PBX1: variants seen among roughly 807,000 people sequenced by gnomAD.
PBX1 encodes PBX homeobox 1, also known as pre-B-cell leukemia transcription factor 1.
Under a neutral mutation model 53.4 loss-of-function variants are expected in PBX1, and 6 were observed. That is an observed-to-expected ratio of 0.11 (90% CI 0.06 to 0.22). PBX1 has a LOEUF of 0.22. Ranked by LOEUF, PBX1 falls within the 10% of genes least tolerant of loss-of-function variation. PBX1 has a pLI of 1.00. For synonymous variants in PBX1, 204 were observed against 212.3 expected, an observed-to-expected ratio of 0.96 and a Z score of 0.34; for missense variants, 251 against 551.4, an observed-to-expected ratio of 0.46 and a Z score of 5.46.
At chr1:164,834,309 G>A (rs1394395679) in intron 8 of PBX1, among the ~76,000 whole-genome samples, 2 of 148,578 alleles carry the variant, frequency 1.3e-5, no homozygotes, top group Non-Finnish European at 3.0e-5. Context: ...TCTTGATCTT[G>A]TTGTTTAGCC....
chr1:164,664,782 AAAAG>A (rs1251668730), intron 2 of PBX1, among the ~76,000 whole-genome samples: 2 of 152,178 alleles, frequency 1.3e-5, no homozygotes, highest in African/African-American at 4.8e-5. Context: ...AGCAGGCAAA[AAAAG>A]AGATTGGGCA....
At chr1:164,651,463 G>GC (rs1005955906) in intron 2 of PBX1, among the ~76,000 whole-genome samples, 7 of 152,084 alleles carry the variant, frequency 4.6e-5, no homozygotes, top group Admixed American at 1.3e-4. Context: ...CAGAGAGCGG[G>GC]CCCTGCAGTG....
intron 2 of PBX1, among the ~76,000 whole-genome samples, chr1:164,704,534 A>G (rs750229243): frequency 3.0e-4 from 45 of 152,220 alleles, no homozygotes; most frequent in Non-Finnish European, 6.3e-4. Context: ...AAGACTTATT[A>G]ATATTAAAGA....
At chr1:164,870,295 T>TTCTTTCTTTCTTTCTTTCTTTCTC (rs1672338472) in intron 2 of PBX1, among the ~76,000 whole-genome samples, 9 of 47,298 alleles carry the variant, frequency 1.9e-4, no homozygotes, top group Admixed American at 4.4e-4. Flanking sequence ...CTTTCTTTCT[T>TTCTTTCTTTCTTTCTTTCTTTCTC]TCTTTCTTTC....
rs59042806 is a variant in PBX1 at position 164,724,670 on chromosome 1, ATTTTTTTTTTTTTTTTTTTTTTTTTTT to A, written c.266-67811_266-67785del. ...CAGATGCCCATTGCAATAGCTGCAG[ATTTTTTTTTTTTTTTTTTTTTTTTTTT>A]TTTTTTTTTTTTAGTGCCCATTCTA... On this transcript the variant is annotated intron_variant, in intron 2 of 8. Coordinates refer to ENST00000420696, the MANE Select transcript of PBX1 (RefSeq NM_002585.4). Among the ~76,000 whole-genome samples, 13 of 48,238 alleles carry A rather than the reference ATTTTTTTTTTTTTTTTTTTTTTTTTTT, an allele frequency of 2.7e-4. No homozygotes were observed. The South Asian group carries it at 7.6e-3, about 28-fold the overall frequency. The allele number at this position is 48,238 out of a possible 152,430, so 31.6% of individuals were successfully genotyped here.
intron 2 of PBX1, chr1:164,684,303 T>G (rs1182878497): frequency 6.6e-6 from 1 of 152,212 alleles, no homozygotes; most frequent in Non-Finnish European, 1.5e-5. Context: ...CATCATGTTT[T>G]CCCTGTTTCT....
At chr1:164,684,411 C>A (rs1661975601) in intron 2 of PBX1, 1 of 152,110 alleles carries the variant, frequency 6.6e-6, no homozygotes, top group African/African-American at 2.4e-5. Context: ...AGATAAAAGG[C>A]AATCTATGCT....
intron 2 of PBX1, among the ~76,000 whole-genome samples, chr1:164,637,517 G>A (rs1382968527): frequency 1.3e-5 from 2 of 152,094 alleles, no homozygotes; most frequent in African/African-American, 2.4e-5. Flanking sequence ...GTTTTTTATC[G>A]ACCAAAGGCA....
intron 5 of PBX1, among the ~76,000 whole-genome samples, chr1:164,809,537 G>T (rs1197787358): frequency 6.6e-6 from 1 of 152,230 alleles, no homozygotes. Context: ...TCAACTGTGG[G>T]ATCCTAGGGA....
At chr1:164,792,822 G>A (rs1165053159) in intron 3 of PBX1, 84 bp downstream of exon 3, 3 of 1,037,486 alleles carry the variant, frequency 2.9e-6, no homozygotes, top group Non-Finnish European at 4.1e-6. Context: ...GCAGAGAGGA[G>A]CGGCTCACCT....
chr1:164,761,282 A>G (rs1465340980), intron 2 of PBX1, among the ~76,000 whole-genome samples: 1 of 152,276 alleles, frequency 6.6e-6, no homozygotes, highest in Admixed American at 6.5e-5. Flanking sequence ...ATGCAAATTT[A>G]TGAGTATAAT....
chr1:164,835,257 T>TA (rs1370039783), intron 8 of PBX1, among the ~76,000 whole-genome samples: 2 of 149,430 alleles, frequency 1.3e-5, no homozygotes, highest in Non-Finnish European at 3.0e-5. Context: ...TTTTTTTTTT[T>TA]ACTATTATTA....
At chr1:164,737,222 A>C (rs987260591) in intron 2 of PBX1, among the ~76,000 whole-genome samples, 2 of 152,224 alleles carry the variant, frequency 1.3e-5, no homozygotes, top group Non-Finnish European at 2.9e-5. Context: ...TCGAATGGTC[A>C]TTTATTTTCA....
chr1:164,687,975 TTATGA>T (rs1213117573), intron 2 of PBX1, among the ~76,000 whole-genome samples: 1 of 152,192 alleles, frequency 6.6e-6, no homozygotes, highest in Non-Finnish European at 1.5e-5. Flanking sequence ...TGAGACTCTG[TTATGA>T]TATGCCCAAG....
At chr1:164,728,330 AAG>A (rs551533075) in intron 2 of PBX1, among the ~76,000 whole-genome samples, 25 of 149,498 alleles carry the variant, frequency 1.7e-4, no homozygotes, top group African/African-American at 4.5e-4. Flanking sequence ...AAAAAAAAAA[AAG>A]AGAGAGAGAG....
intron 2 of PBX1, chr1:164,630,990 C>G (rs1571107129): frequency 6.6e-6 from 1 of 152,228 alleles, no homozygotes; most frequent in African/African-American, 2.4e-5. Flanking sequence ...GGATAATGAA[C>G]TAGCACATGG....
At chr1:164,742,724 T>A (rs1413406481) in intron 2 of PBX1, among the ~76,000 whole-genome samples, 1 of 152,206 alleles carries the variant, frequency 6.6e-6, no homozygotes, top group East Asian at 1.9e-4. Flanking sequence ...AACCTCCCTC[T>A]GACTTAAAAA....
chr1:164,768,049 C>T (rs1249644063), intron 2 of PBX1, among the ~76,000 whole-genome samples: 1 of 151,660 alleles, frequency 6.6e-6, no homozygotes, highest in Admixed American at 6.6e-5. Flanking sequence ...ACGAAAACAA[C>T]TTTTCTCATT....
intron 2 of PBX1, among the ~76,000 whole-genome samples, chr1:164,786,720 T>TGTGTGTGTGTGTGTGTGTGCGCGCGCGC (rs1357886882): frequency 8.6e-6 from 1 of 116,256 alleles, no homozygotes; most frequent in East Asian, 2.6e-4. Flanking sequence ...TGTGTGTGTG[T>TGTGTGTGTGTGTGTGTGTGCGCGCGCGC]GCGCGCGCAC....
Sources: allele counts gnomAD v4.1 joint callset (sites outside exome capture counted in the v4.1 genomes callset), GRCh38; gene constraint gnomAD v4.1.1; transcripts MANE v1.5; gene names NCBI Gene and HGNC (gene_info 2026-07-23, HGNC 2026-07-21).